Variants in NRXN3 observed in about 807,000 individuals in gnomAD.
The protein encoded by NRXN3 is neurexin 3.
Under a neutral mutation model 137.6 loss-of-function variants are expected in NRXN3, and 32 were observed. That is an observed-to-expected ratio of 0.23 (90% CI 0.18 to 0.31). The LOEUF is 0.31. NRXN3 is among the 10% of genes least tolerant of loss of function. The pLI is 1.00. For synonymous variants in NRXN3, 798 were observed against 784.5 expected (o/e 1.02, Z -0.29); for missense variants, 1,574 against 2,062.5 (o/e 0.76, Z 4.59).
intron 16 of NRXN3, among the ~76,000 whole-genome samples, chr14:79,504,645 A>ATATATATT (rs1567316777): frequency 8.9e-6 from 1 of 111,834 alleles, no homozygotes; most frequent in African/African-American, 3.3e-5. Flanking sequence ...AGTTTTTTAT[A>ATATATATT]TATATATATG....
intron 15 of NRXN3, among the ~76,000 whole-genome samples, chr14:79,103,521 T>C (rs1265198419): frequency 6.6e-6 from 1 of 152,102 alleles, no homozygotes; most frequent in Non-Finnish European, 1.5e-5. Flanking sequence ...CAGCAGAACA[T>C]TCTAAATTTT....
Position 78,672,118 on chromosome 14 carries a change from C to A in NRXN3, c.1221+20792C>A, listed in dbSNP as rs549884059. Among the ~76,000 whole-genome samples, 4 of 152,204 alleles carry A rather than the reference C, an allele frequency of 2.6e-5. No homozygotes were observed. In the South Asian group the frequency reaches 8.3e-4, roughly 32 times the overall value. ...AATCATAAAGAAATATAACAAAATG[C>A]TATATCATATAGCAGAGTCAGTGAT... On this transcript the variant is annotated intron_variant, in intron 6 of 20. Transcript: ENST00000335750.
chr14:78,422,959 A>G (rs1012354496), intron 4 of NRXN3, among the ~76,000 whole-genome samples: 2 of 152,218 alleles, frequency 1.3e-5, no homozygotes, highest in Admixed American at 1.3e-4. Context: ...TCTTAAAAAC[A>G]AACAAATATC....
chr14:79,672,165 T>C (rs1190754966), intron 17 of NRXN3, among the ~76,000 whole-genome samples: 2 of 152,090 alleles, frequency 1.3e-5, no homozygotes, highest in African/African-American at 4.8e-5. Context: ...TAGGACTTTA[T>C]AGGATGCACA....
chr14:79,172,311 T>A (rs955747278), intron 15 of NRXN3, among the ~76,000 whole-genome samples: 12 of 152,114 alleles, frequency 7.9e-5, no homozygotes, highest in Non-Finnish European at 1.2e-4. Flanking sequence ...AGAAAAAAAA[T>A]TCCTCTTGAG....
intron 4 of NRXN3, among the ~76,000 whole-genome samples, chr14:78,330,819 G>A (rs2080726632): frequency 6.6e-6 from 1 of 152,016 alleles, no homozygotes; most frequent in Non-Finnish European, 1.5e-5. Flanking sequence ...TAATTGATAT[G>A]GATGTTAATA....
At chr14:78,880,460 G>C (rs1310962474) in intron 10 of NRXN3, among the ~76,000 whole-genome samples, 4 of 152,064 alleles carry the variant, frequency 2.6e-5, no homozygotes. Flanking sequence ...GAAAAGTTCA[G>C]TAGTGAAATG....
intron 9 of NRXN3, among the ~76,000 whole-genome samples, chr14:78,807,117 A>T (rs1003575605): frequency 1.3e-5 from 2 of 152,160 alleles, no homozygotes; most frequent in African/African-American, 4.8e-5. Flanking sequence ...AATTGTTTTT[A>T]TGATGGTCAC....
chr14:79,120,198 A>C (rs1454964551), intron 15 of NRXN3, among the ~76,000 whole-genome samples: 4 of 152,144 alleles, frequency 2.6e-5, no homozygotes, highest in Admixed American at 2.0e-4. Context: ...TTGTGGCCAC[A>C]TACTTGTATT....
chr14:78,360,286 C>A (rs79508872), intron 4 of NRXN3, among the ~76,000 whole-genome samples: 4,177 of 152,194 alleles, frequency 0.027, 72 homozygotes, highest in Middle Eastern at 0.051. Context: ...GTCTAGGGGT[C>A]GGGGTCCTTT....
At chr14:79,348,784 A>T (rs554380090) in intron 15 of NRXN3, among the ~76,000 whole-genome samples, 29 of 152,204 alleles carry the variant, frequency 1.9e-4, no homozygotes, top group Non-Finnish European at 3.8e-4. Flanking sequence ...GTTTGTACCA[A>T]GAAGTATATA....
chr14:78,623,941 A>G (rs1258417570), intron 4 of NRXN3, among the ~76,000 whole-genome samples: 2 of 152,208 alleles, frequency 1.3e-5, no homozygotes, highest in Non-Finnish European at 2.9e-5. Context: ...ACCATTTTCT[A>G]TAGTAGCACT....
chr14:78,684,860 T>G (rs1195100007), intron 6 of NRXN3, among the ~76,000 whole-genome samples: 2 of 152,250 alleles, frequency 1.3e-5, no homozygotes, highest in African/African-American at 4.8e-5. Flanking sequence ...GCTGAATTTG[T>G]GTAAGTTATA....
chr14:78,216,245 T>A (rs146350084), intron 1 of NRXN3, among the ~76,000 whole-genome samples: 3 of 152,338 alleles, frequency 2.0e-5, no homozygotes, highest in African/African-American at 4.8e-5. Flanking sequence ...TGGGGCTAAT[T>A]GTCTTTTCTT....
At chr14:79,671,430 A>C (rs567994460) in intron 17 of NRXN3, among the ~76,000 whole-genome samples, 2 of 152,236 alleles carry the variant, frequency 1.3e-5, no homozygotes, top group East Asian at 3.9e-4. Flanking sequence ...CCAGTCTAGA[A>C]GTCAGCATTT....
chr14:79,179,213 A>G (rs907815084), intron 15 of NRXN3, among the ~76,000 whole-genome samples: 3 of 152,138 alleles, frequency 2.0e-5, no homozygotes, highest in African/African-American at 7.2e-5. Context: ...CAAGCTCCTT[A>G]ACTAGACATA....
chr14:79,322,860 C>T (rs911356559), intron 15 of NRXN3, among the ~76,000 whole-genome samples: 2 of 152,142 alleles, frequency 1.3e-5, no homozygotes, highest in South Asian at 2.1e-4. Context: ...ACTTTGGCAC[C>T]TCATTGCTTT....
chr14:79,023,880 A>G lies in NRXN3; in HGVS notation c.3262+35739A>G, dbSNP rs373120554. ...ATGAGATTTGGATGGGGATGCAGCCAAACCATTATCAGGAGGGGTGCCCAG... is the reference window on the plus strand; with the variant it reads ...ATGAGATTTGGATGGGGATGCAGCCGAACCATTATCAGGAGGGGTGCCCAG... On this transcript the variant is annotated intron_variant, in intron 15 of 20. Transcript: ENST00000335750. Among the ~76,000 whole-genome samples the G allele has an allele frequency of 6.9e-4, 105 of 152,236 alleles. No individual in the cohort carries two copies. In the Middle Eastern group the frequency reaches 0.017, roughly 25 times the overall value.
intron 8 of NRXN3, among the ~76,000 whole-genome samples, chr14:78,736,104 A>G (rs2098540016): frequency 6.6e-6 from 1 of 150,960 alleles, no homozygotes; most frequent in African/African-American, 2.4e-5. Flanking sequence ...AGCTACACAC[A>G]TAGATATTTA....
Sources: gnomAD v4.1 joint callset for allele counts (sites outside exome capture counted in the v4.1 genomes callset) on GRCh38, gnomAD v4.1.1 for gene constraint, MANE v1.5 for transcripts, NCBI Gene and HGNC (gene_info 2026-07-23, HGNC 2026-07-21) for gene names.